CFI: variants seen among roughly 807,000 people sequenced by gnomAD.
CFI encodes C3B/C4B inactivator.
Under a neutral mutation model 78.8 loss-of-function variants are expected in CFI, and 66 were observed. That is an observed-to-expected ratio of 0.84 (90% CI 0.69 to 1.03). The LOEUF (loss-of-function observed/expected upper bound fraction) is 1.03, where lower values mean the gene tolerates loss of function less well. CFI is among the 50% of genes least tolerant of loss of function. The probability of loss-of-function intolerance (pLI) is 0.00; values close to 1 mark genes in which losing one functional copy is unlikely to be tolerated. For missense variants in CFI, 706 were observed against 704.5 expected (o/e 1.00, Z -0.02); for synonymous variants, 250 against 232.6 (o/e 1.07, Z -0.68).
intron 12 of CFI, 52 bp downstream of exon 12, chr4:109,742,439 A>G: frequency 8.5e-7 from 1 of 1,180,188 alleles, no homozygotes; most frequent in Non-Finnish European, 1.3e-6. Context: ...GAGATGTTTG[A>G]TAGGGGAAAT....
chr4:109,801,611 C>T (rs1400504308), intron 1 of CFI, among the ~76,000 whole-genome samples: 4 of 152,198 alleles, frequency 2.6e-5, no homozygotes, highest in Non-Finnish European at 5.9e-5. Context: ...ACCTTACACA[C>T]AGGAGGAGCC....
chr4:109,787,480 A>C (rs998539), intron 1 of CFI, among the ~76,000 whole-genome samples: 10 of 151,982 alleles, frequency 6.6e-5, no homozygotes, highest in African/African-American at 2.2e-4. Flanking sequence ...GATGCCCCAC[A>C]AACTCCTTAA....
Position 109,741,024 on chromosome 4 carries a change from A to G in CFI, c.1621T>C (p.Trp541Arg). 1 of 1,614,210 alleles carries G rather than the reference A, an allele frequency of 6.2e-7. No individual in the cohort carries two copies. The highest frequency in any genetic ancestry group is 8.5e-7 in the Non-Finnish European group (1 of 1,180,016). Reference protein sequence around the residue: ...CMDANNVTYVWGVVSWGENCG... With the variant: ...CMDANNVTYVRGVVSWGENCG... ...TTTTCCCCCCAACTCACAACACCCC[A>G]GACATAAGTCACATTGTTGGCATCC... The change falls in exon 13 of 13, where the codon TGG (tryptophan) becomes CGG (arginine). Residue 541 changes from tryptophan to arginine, a missense_variant. By Grantham distance (101) the Trp-to-Arg change is moderately radical. Coordinates refer to ENST00000394634, the MANE Select transcript of CFI (RefSeq NM_000204.5).
At chr4:109,771,112 C>G (rs115432489) in intron 1 of CFI, among the ~76,000 whole-genome samples, 3 of 152,168 alleles carry the variant, frequency 2.0e-5, no homozygotes, top group African/African-American at 7.2e-5. Flanking sequence ...AAGATTAGGG[C>G]CAGGCGCAGT....
chr4:109,763,067 G>T (rs72888500), intron 3 of CFI, among the ~76,000 whole-genome samples: 4,349 of 152,174 alleles, frequency 0.029, 189 homozygotes, highest in African/African-American at 0.089. Flanking sequence ...GAAGAAAATT[G>T]AATTCAGAAA....
intron 1 of CFI, among the ~76,000 whole-genome samples, chr4:109,799,522 T>C (rs997708457): frequency 2.6e-5 from 4 of 152,200 alleles, no homozygotes; most frequent in Non-Finnish European, 4.4e-5. Context: ...GACAGATTTA[T>C]ATACTTTCCC....
chr4:109,785,293 A>G (rs537516483), intron 1 of CFI, among the ~76,000 whole-genome samples: 1 of 152,278 alleles, frequency 6.6e-6, no homozygotes, highest in East Asian at 1.9e-4. Context: ...ATTAAAATAA[A>G]GTGAAAAATT....
Position 109,753,368 on chromosome 4 carries a change from AAT to A in CFI, c.905-867_905-866del, listed in dbSNP as rs1260738913. On this transcript the variant is annotated intron_variant, in intron 7 of 12. Transcript: ENST00000394634. ...TATTTATTATATAATAAATATTTAT[AAT>A]ATATATTTATTATATAAATATTTAT... 1.6e-3 allele frequency among the ~76,000 whole-genome samples: 64 copies of A among 39,302 alleles called. 16 individuals carry two copies. The highest frequency in any genetic ancestry group is 5.6e-3 in the African/African-American group (62 of 11,096). 25.8% of individuals were successfully genotyped at this position (39,302 alleles called of 152,430 possible). A position where few individuals can be genotyped will look rare whatever the true frequency, so the allele number is the denominator to read the frequency against.
At chr4:109,747,806 T>C (rs1297837703) in intron 10 of CFI, among the ~76,000 whole-genome samples, 1 of 152,128 alleles carries the variant, frequency 6.6e-6, no homozygotes, top group African/African-American at 2.4e-5. Context: ...GAGGAGGGGA[T>C]GATTTCCGGA....
chr4:109,775,112 G>A lies in CFI; in HGVS notation c.58-8288C>T, dbSNP rs147256921. On this transcript the variant is annotated intron_variant, in intron 1 of 12. Coordinates refer to ENST00000394634, the MANE Select transcript of CFI (RefSeq NM_000204.5). The stretch of plus-strand genomic sequence containing the variant: ...CCCAGTGTGAGCGACGCAGAAGACG[G>A]GTGATTTCTGCATTTCCAACTAAGG... 6.8e-3 allele frequency among the ~76,000 whole-genome samples: 1,030 copies of A among 152,248 alleles called. 13 individuals carry two copies. Among genetic ancestry groups the A allele is most frequent in the African/African-American group, 0.023 (938 of 41,550 alleles).
At chr4:109,742,297 A>AT (rs2126180118) in intron 12 of CFI, 194 bp downstream of exon 12, 2 of 591,616 alleles carry the variant, frequency 3.4e-6, no homozygotes, top group African/African-American at 1.9e-5. Context: ...CTTAAGGAGG[A>AT]TTTTTCCTCA....
intron 8 of CFI, among the ~76,000 whole-genome samples, chr4:109,750,764 A>G (rs1011909103): frequency 1.6e-4 from 25 of 152,190 alleles, no homozygotes; most frequent in Non-Finnish European, 8.8e-5. Flanking sequence ...AATTTTGGGC[A>G]TACCGAAAGG....
At chr4:109,750,274 G>A (rs1724989544) in intron 8 of CFI, among the ~76,000 whole-genome samples, 1 of 152,116 alleles carries the variant, frequency 6.6e-6, no homozygotes, top group South Asian at 2.1e-4. Context: ...TGAGATTACA[G>A]GGTGAACCAC....
intron 2 of CFI, among the ~76,000 whole-genome samples, chr4:109,765,312 G>T (rs1463869225): frequency 6.6e-6 from 1 of 152,118 alleles, no homozygotes; most frequent in African/African-American, 2.4e-5. Context: ...CCTTTAAAAA[G>T]AATGTTTTAA....
intron 8 of CFI, 61 bp from the exon 9 acceptor site, chr4:109,749,663 C>A: frequency 9.7e-7 from 1 of 1,027,736 alleles, no homozygotes. Context: ...TTTTAACACA[C>A]TTCTTGATTA....
intron 1 of CFI, among the ~76,000 whole-genome samples, chr4:109,774,014 A>T (rs1728914743): frequency 1.3e-5 from 2 of 152,262 alleles, no homozygotes; most frequent in African/African-American, 4.8e-5. Context: ...AATCAGTGGA[A>T]TGTGGAAAAA....
At chr4:109,794,144 A>T (rs1731738699) in intron 1 of CFI, 2 of 152,134 alleles carry the variant, frequency 1.3e-5, no homozygotes, top group African/African-American at 4.8e-5. Flanking sequence ...CTTGGATTGC[A>T]TTGAGCTTTT....
chr4:109,797,893 A>C (rs1004090585), intron 1 of CFI, among the ~76,000 whole-genome samples: 1 of 152,214 alleles, frequency 6.6e-6, no homozygotes, highest in Non-Finnish European at 1.5e-5. Context: ...AAATAACCAA[A>C]GGTAACAAAT....
At chr4:109,747,361 A>T (rs201836459) in intron 10 of CFI, among the ~76,000 whole-genome samples, 100 of 151,988 alleles carry the variant, frequency 6.6e-4, no homozygotes, top group East Asian at 2.1e-3. Flanking sequence ...ATTTAAAAAA[A>T]TTTTTTTGTA....
Sources: allele counts gnomAD v4.1 joint callset (sites outside exome capture counted in the v4.1 genomes callset), GRCh38; gene constraint gnomAD v4.1.1; transcripts MANE v1.5; gene names NCBI Gene and HGNC (gene_info 2026-07-23, HGNC 2026-07-21).